The following SORCS2 variants were observed in gnomAD, a reference collection of about 807,000 sequenced individuals.
The protein encoded by SORCS2 is sortilin related VPS10 domain containing receptor 2, also known as VPS10 domain-containing receptor SorCS2.
A neutral mutation model predicts 141.6 loss-of-function variants in SORCS2; 100 were observed. The observed-to-expected ratio is 0.71, with a 90% CI of 0.60 to 0.83. SORCS2 has a LOEUF of 0.83. Among genes scored for constraint, SORCS2 ranks in the 40% least tolerant of loss-of-function variants. The pLI is 0.00. For synonymous variants in SORCS2, 789 were observed against 676.9 expected (o/e 1.17, Z -2.57); for missense variants, 1,646 against 1,560.2 (o/e 1.05, Z -0.93).
At chr4:7,305,963 G>GC (rs1717797242) in intron 1 of SORCS2, among the ~76,000 whole-genome samples, 1 of 152,248 alleles carries the variant, frequency 6.6e-6, no homozygotes, top group African/African-American at 2.4e-5. Context: ...CAGTGAGGCA[G>GC]AAGATCCTGT....
intron 3 of SORCS2, among the ~76,000 whole-genome samples, chr4:7,609,945 A>T (rs990313164): frequency 2.0e-5 from 3 of 152,084 alleles, no homozygotes; most frequent in Non-Finnish European, 2.9e-5. Flanking sequence ...ATTTTCCTTC[A>T]TTCCTTGGCA....
At chr4:7,428,449 T>C (rs930233348) in intron 2 of SORCS2, among the ~76,000 whole-genome samples, 4 of 152,134 alleles carry the variant, frequency 2.6e-5, no homozygotes, top group Admixed American at 2.0e-4. Context: ...GCAGCTCGCA[T>C]TCCAAGGGAA....
intron 3 of SORCS2, among the ~76,000 whole-genome samples, chr4:7,601,058 G>A (rs1224986309): frequency 6.6e-6 from 1 of 152,106 alleles, no homozygotes; most frequent in Non-Finnish European, 1.5e-5. Context: ...GCTAATTTTT[G>A]TATTTTTAGC....
chr4:7,500,148 C>G (rs964028820), intron 2 of SORCS2, among the ~76,000 whole-genome samples: 1 of 152,184 alleles, frequency 6.6e-6, no homozygotes. Flanking sequence ...GGAGCACACC[C>G]CTGCCCGGTG....
intron 2 of SORCS2, among the ~76,000 whole-genome samples, chr4:7,499,199 T>C (rs1006394380): frequency 1.3e-5 from 2 of 152,068 alleles, no homozygotes; most frequent in Admixed American, 6.5e-5. Flanking sequence ...TGTGTGTACA[T>C]GTGTCTGAGT....
intron 2 of SORCS2, among the ~76,000 whole-genome samples, chr4:7,447,181 C>A (rs775312483): frequency 3.9e-5 from 6 of 152,202 alleles, no homozygotes; most frequent in East Asian, 3.9e-4. Flanking sequence ...GCTGTGAAAG[C>A]AGTTGCATCC....
intron 2 of SORCS2, among the ~76,000 whole-genome samples, chr4:7,487,888 A>G (rs1205742437): frequency 6.6e-6 from 1 of 152,090 alleles, no homozygotes; most frequent in Non-Finnish European, 1.5e-5. Context: ...TGATTCTATT[A>G]AAATTTTCTT....
At chr4:7,388,638 T>C (rs959451659) in intron 1 of SORCS2, among the ~76,000 whole-genome samples, 6 of 152,106 alleles carry the variant, frequency 3.9e-5, no homozygotes, top group African/African-American at 1.4e-4. Context: ...CAGAGGTGAA[T>C]ACAGATTGTT....
intron 1 of SORCS2, among the ~76,000 whole-genome samples, chr4:7,326,806 G>A (rs1055637984): frequency 3.1e-4 from 38 of 123,008 alleles, no homozygotes; most frequent in Admixed American, 1.5e-3. Flanking sequence ...CCCAGTGTCC[G>A]GGGCAGGAAG....
chr4:7,710,633 C>A (rs115083711), intron 14 of SORCS2, among the ~76,000 whole-genome samples: 2,958 of 152,278 alleles, frequency 0.019, 93 homozygotes, highest in African/African-American at 0.068. Flanking sequence ...AATGTTGAGG[C>A]CGTCCAAGTG....
intron 1 of SORCS2, among the ~76,000 whole-genome samples, chr4:7,326,982 C>G (rs537665626): frequency 6.6e-6 from 1 of 152,218 alleles, no homozygotes; most frequent in Non-Finnish European, 1.5e-5. Flanking sequence ...CTGAGGGCCT[C>G]CGGGCCTCCA....
At chr4:7,399,626 A>C (rs1168091737) in intron 2 of SORCS2, among the ~76,000 whole-genome samples, 1 of 152,026 alleles carries the variant, frequency 6.6e-6, no homozygotes, top group East Asian at 1.9e-4. Context: ...GGGAAGCACC[A>C]TTCTTCCCTG....
chr4:7,617,808 G>A (rs1229119976), intron 3 of SORCS2, among the ~76,000 whole-genome samples: 1 of 152,164 alleles, frequency 6.6e-6, no homozygotes, highest in African/African-American at 2.4e-5. Context: ...TTGGAGCTCA[G>A]TTTCCTCATC....
intron 3 of SORCS2, among the ~76,000 whole-genome samples, chr4:7,602,824 T>C (rs1384550956): frequency 6.6e-6 from 1 of 151,582 alleles, no homozygotes; most frequent in Non-Finnish European, 1.5e-5. Flanking sequence ...GAGGTGGAGG[T>C]TGTAGCCAAC....
At chr4:7,540,777 C>T (rs1339667525) in intron 3 of SORCS2, among the ~76,000 whole-genome samples, 2 of 152,238 alleles carry the variant, frequency 1.3e-5, no homozygotes, top group African/African-American at 4.8e-5. Context: ...TTTCCGACCC[C>T]CCTGCCCCCC....
At chr4:7,211,642 G>C (rs1309187970) in intron 1 of SORCS2, among the ~76,000 whole-genome samples, 1 of 152,184 alleles carries the variant, frequency 6.6e-6, no homozygotes, top group Non-Finnish European at 1.5e-5. Flanking sequence ...CAAAGTGCTG[G>C]GATTACAGGT....
At chr4:7,417,699 C>T (rs934506426) in intron 2 of SORCS2, among the ~76,000 whole-genome samples, 122 of 152,340 alleles carry the variant, frequency 8.0e-4, no homozygotes, top group African/African-American at 2.8e-3. Context: ...CCTGCTGGGC[C>T]TCGGCTTGCC....
At position 7,421,516 on chromosome 4, in the gene SORCS2, C is replaced by T. The variant is rs1030475239; in HGVS notation, c.548+25161C>T. Among the ~76,000 whole-genome samples the T allele has an allele frequency of 1.9e-4, 29 of 152,180 alleles. 1 individual carries two copies. Among genetic ancestry groups the T allele is most frequent in the Admixed American group, 2.0e-4 (3 of 15,288 alleles). ...ACAGAGCCCAGGCCTGGCTTCTAGC[C>T]AGCGCCAGGGAATACTCGTCATCGT... is the stretch of plus-strand genomic sequence containing the variant. On this transcript the variant is annotated intron_variant, in intron 2 of 26. Coordinates refer to ENST00000507866, the MANE Select transcript of SORCS2 (RefSeq NM_020777.3).
intron 1 of SORCS2, among the ~76,000 whole-genome samples, chr4:7,278,275 G>A (rs1715640526): frequency 6.6e-6 from 1 of 152,192 alleles, no homozygotes; most frequent in African/African-American, 2.4e-5. Flanking sequence ...GAGCAGCCTG[G>A]AGTCTAAGCG....
Sources: allele counts gnomAD v4.1 joint callset (sites outside exome capture counted in the v4.1 genomes callset), GRCh38; gene constraint gnomAD v4.1.1; transcripts MANE v1.5; gene names NCBI Gene and HGNC (gene_info 2026-07-23, HGNC 2026-07-21).